PACRG: variants seen among roughly 807,000 people sequenced by gnomAD.
The protein encoded by PACRG is parkin coregulated gene protein.
A neutral mutation model predicts 29.7 loss-of-function variants in PACRG; 29 were observed. The observed-to-expected ratio is 0.98, with a 90% confidence interval of 0.73 to 1.33. The LOEUF is 1.33. Among genes scored for constraint, PACRG ranks in the 40% most tolerant of loss-of-function variants. The pLI, the probability that PACRG is intolerant of heterozygous loss-of-function variation, is 0.00. For missense variants in PACRG, 279 were observed against 316.2 expected (o/e 0.88, Z 0.89); for synonymous variants, 116 against 118.7 (o/e 0.98, Z 0.15).
intron 4 of PACRG, among the ~76,000 whole-genome samples, chr6:163,304,738 T>C (rs951931222): frequency 6.6e-6 from 1 of 151,968 alleles, no homozygotes; most frequent in African/African-American, 2.4e-5. Flanking sequence ...TTTCATGCAG[T>C]GGGGTCAGTA....
intron 4 of PACRG, among the ~76,000 whole-genome samples, chr6:163,240,286 A>G (rs1352306694): frequency 6.6e-6 from 1 of 152,054 alleles, no homozygotes; most frequent in Non-Finnish European, 1.5e-5. Flanking sequence ...GGGGTGCATT[A>G]AGAAAGAAAC....
rs1160515286 is a variant in PACRG, at chr6:163,137,845, CTGG to C, written c.613+48438_613+48440del. On this transcript the variant is annotated intron_variant, in intron 4 of 4. Coordinates refer to ENST00000366888, the MANE Select transcript of PACRG (RefSeq NM_001080379.2). ...CCGGCCTGGCGCCACCGCGCACTGC[CTGG>C]GCCCTGCAGCTTGGAGCAGGCCCTG... Among the ~76,000 whole-genome samples the C allele has an allele frequency of 7.2e-5, 11 of 152,382 alleles. No individual in the cohort carries two copies. In the East Asian group the frequency reaches 2.1e-3, roughly 29 times the overall value.
upstream of PACRG, chr6:162,727,571 C>T (rs2128243029): frequency 2.2e-6 from 3 of 1,365,798 alleles, no homozygotes; most frequent in East Asian, 2.5e-5. Context: ...ACAGTTGGCA[C>T]CGGGGGTCCT....
Position 162,983,881 on chromosome 6 carries a change from A to T in PACRG, c.292-78269A>T, listed in dbSNP as rs542005875. ...AAGTGAGGCCAAGGAAGGTTTTCTT[A>T]ATTGTTCCCTCAAATACGTTTTCCA... is the stretch of plus-strand genomic sequence containing the variant. On this transcript the variant is annotated intron_variant, in intron 2 of 4. Coordinates refer to ENST00000366888, the MANE Select transcript of PACRG (RefSeq NM_001080379.2). Among the ~76,000 whole-genome samples, 5 of 152,092 alleles carry T rather than the reference A, an allele frequency of 3.3e-5. No individual in the cohort carries two copies. In the East Asian group the frequency reaches 9.6e-4, roughly 29 times the overall value.
At chr6:163,138,659 G>T (rs547945819) in intron 4 of PACRG, among the ~76,000 whole-genome samples, 1 of 152,166 alleles carries the variant, frequency 6.6e-6, no homozygotes, top group African/African-American at 2.4e-5. Flanking sequence ...ATGTGTGCTC[G>T]CCCACTGCTC....
chr6:162,826,716 G>C (rs1788317382), intron 2 of PACRG, among the ~76,000 whole-genome samples: 1 of 152,106 alleles, frequency 6.6e-6, no homozygotes, highest in African/African-American at 2.4e-5. Context: ...GCCTGCCTCA[G>C]CCTCCCAAAG....
intron 1 of PACRG, among the ~76,000 whole-genome samples, chr6:162,794,255 T>C (rs1785187008): frequency 6.6e-6 from 1 of 152,210 alleles, no homozygotes; most frequent in African/African-American, 2.4e-5. Context: ...TATTCAGTTA[T>C]ACTCTTCTGT....
At chr6:162,893,330 A>G (rs949152377) in intron 2 of PACRG, among the ~76,000 whole-genome samples, 7 of 152,138 alleles carry the variant, frequency 4.6e-5, no homozygotes, top group Non-Finnish European at 8.8e-5. Flanking sequence ...CAGTGTGGAC[A>G]GACAGGGCAG....
chr6:162,906,526 C>A (rs931659891), intron 2 of PACRG, among the ~76,000 whole-genome samples: 1 of 152,142 alleles, frequency 6.6e-6, no homozygotes, highest in Non-Finnish European at 1.5e-5. Flanking sequence ...TAGTTATCAC[C>A]AATGTTGACA....
intron 2 of PACRG, among the ~76,000 whole-genome samples, chr6:162,916,791 A>T (rs2048696): frequency 0.46 from 69,935 of 151,782 alleles, 17,288 homozygotes; most frequent in Middle Eastern, 0.54. Flanking sequence ...TCCTCAAACA[A>T]AGCAAGATCT....
chr6:162,898,044 C>T (rs1030379546), intron 2 of PACRG, among the ~76,000 whole-genome samples: 1 of 152,198 alleles, frequency 6.6e-6, no homozygotes, highest in Non-Finnish European at 1.5e-5. Flanking sequence ...TCCCAACTCT[C>T]CAGGAGAAGC....
At chr6:162,855,099 C>T (rs1791268263) in intron 2 of PACRG, among the ~76,000 whole-genome samples, 1 of 152,236 alleles carries the variant, frequency 6.6e-6, no homozygotes, top group African/African-American at 2.4e-5. Context: ...CGTTCACTCC[C>T]AGCCCTGCTG....
intron 2 of PACRG, among the ~76,000 whole-genome samples, chr6:162,940,709 G>A: frequency 6.6e-6 from 1 of 152,190 alleles, no homozygotes; most frequent in East Asian, 1.9e-4. Context: ...GCAGGGGCAA[G>A]TGACAGTTGC....
intron 2 of PACRG, among the ~76,000 whole-genome samples, chr6:163,040,102 G>A (rs545661997): frequency 1.3e-5 from 2 of 152,328 alleles, no homozygotes; most frequent in African/African-American, 4.8e-5. Flanking sequence ...CCACTGCTCT[G>A]AGCGGCCCCA....
chr6:162,754,655 A>G (rs770930561), intron 1 of PACRG, among the ~76,000 whole-genome samples: 3 of 151,974 alleles, frequency 2.0e-5, no homozygotes, highest in Non-Finnish European at 4.4e-5. Flanking sequence ...TACATATGAT[A>G]TAAGAGCCTA....
intron 2 of PACRG, among the ~76,000 whole-genome samples, chr6:162,982,334 C>T (rs1023809097): frequency 6.6e-6 from 1 of 151,738 alleles, no homozygotes; most frequent in Non-Finnish European, 1.5e-5. Flanking sequence ...TTCTTTTCTT[C>T]TGCTGGGTTT....
intron 4 of PACRG, among the ~76,000 whole-genome samples, chr6:163,138,677 G>A (rs970315246): frequency 4.6e-5 from 7 of 152,198 alleles, no homozygotes; most frequent in Non-Finnish European, 1.0e-4. Flanking sequence ...CTCACCTCCT[G>A]CTATGCAGCC....
At chr6:163,200,226 C>T (rs900147744) in intron 4 of PACRG, among the ~76,000 whole-genome samples, 1 of 152,042 alleles carries the variant, frequency 6.6e-6, no homozygotes, top group Non-Finnish European at 1.5e-5. Flanking sequence ...GAAAAAAAGG[C>T]AACTTTTTTT....
At chr6:163,251,669 A>C (rs1320581134) in intron 4 of PACRG, among the ~76,000 whole-genome samples, 1 of 152,078 alleles carries the variant, frequency 6.6e-6, no homozygotes, top group African/African-American at 2.4e-5. Flanking sequence ...CGCTGCTCGG[A>C]CCTCCACAGG....
Sources: gnomAD v4.1 joint callset for allele counts (sites outside exome capture counted in the v4.1 genomes callset) on GRCh38, gnomAD v4.1.1 for gene constraint, MANE v1.5 for transcripts, NCBI Gene and HGNC (gene_info 2026-07-23, HGNC 2026-07-21) for gene names.